SIK2: variants seen among roughly 807,000 people sequenced by gnomAD.
The protein encoded by SIK2 is serine/threonine-protein kinase SIK2.
A neutral mutation model predicts 103.2 loss-of-function variants in SIK2; 29 were observed. The ratio of observed to expected loss-of-function variants is 0.28; its 90% CI spans 0.21 to 0.38. SIK2 has a LOEUF of 0.38. Ranked by LOEUF, SIK2 falls within the 10% of genes least tolerant of loss-of-function variation. SIK2 has a pLI of 1.00. For synonymous variants in SIK2, 412 were observed against 446.1 expected, an observed-to-expected ratio of 0.92 and a Z score of 0.96; for missense variants, 879 against 1,171.0, an observed-to-expected ratio of 0.75 and a Z score of 3.64.
intron 1 of SIK2, among the ~76,000 whole-genome samples, chr11:111,605,969 T>G (rs912804853): frequency 6.6e-6 from 1 of 152,178 alleles, no homozygotes; most frequent in Non-Finnish European, 1.5e-5. Context: ...TTTGTAGTAT[T>G]AGTTTGTGGT....
chr11:111,607,825 G>A (rs1591584717), intron 1 of SIK2, among the ~76,000 whole-genome samples: 1 of 152,152 alleles, frequency 6.6e-6, no homozygotes, highest in East Asian at 1.9e-4. Context: ...TAAGAGTTGT[G>A]TAAATGTTTA....
At chr11:111,703,919 G>A (rs972667064) in intron 7 of SIK2, among the ~76,000 whole-genome samples, 1 of 152,144 alleles carries the variant, frequency 6.6e-6, no homozygotes, top group African/African-American at 2.4e-5. Flanking sequence ...ACTGTGAAGG[G>A]TCATGAACCT....
At chr11:111,633,454 C>G (rs1278615279) in intron 3 of SIK2, among the ~76,000 whole-genome samples, 2 of 152,110 alleles carry the variant, frequency 1.3e-5, no homozygotes, top group Admixed American at 1.3e-4. Flanking sequence ...GCCTTGTAGA[C>G]CTTATTTACC....
rs567654076 is a variant in SIK2 at position 111,605,178 on chromosome 11, G to A, written c.135+2480G>A. 7.2e-5 allele frequency among the ~76,000 whole-genome samples: 11 copies of A among 152,124 alleles called. No individual in the cohort carries two copies. The South Asian group carries it at 2.3e-3, about 32-fold the overall frequency. Reference sequence around the variant, plus strand: ...GGGTTTCACAGTGTTGGCCAGGCTGGTTTCGAACTCCTGACCTCAAGTGAT... The same window carrying A: ...GGGTTTCACAGTGTTGGCCAGGCTGATTTCGAACTCCTGACCTCAAGTGAT... On this transcript the variant is annotated intron_variant, in intron 1 of 14. Transcript: ENST00000304987.
At chr11:111,653,240 T>C (rs898665539) in intron 3 of SIK2, among the ~76,000 whole-genome samples, 3 of 152,214 alleles carry the variant, frequency 2.0e-5, no homozygotes, top group African/African-American at 7.2e-5. Context: ...ATTACTTTGA[T>C]TATGAAAAGA....
intron 3 of SIK2, chr11:111,683,082 C>G (rs943075237): frequency 6.6e-6 from 1 of 152,216 alleles, no homozygotes; most frequent in African/African-American, 2.4e-5. Flanking sequence ...TTTCTAAAAA[C>G]TGTATTTATT....
At chr11:111,721,164 A>G (rs1943789113) in intron 12 of SIK2, 102 bp downstream of exon 12, 2 of 1,380,898 alleles carry the variant, frequency 1.4e-6, no homozygotes, top group Admixed American at 5.2e-5. Flanking sequence ...CCAGTCCTGG[A>G]GCAAACAGGC....
chr11:111,602,760 G>T lies in SIK2; in HGVS notation c.135+62G>T, dbSNP rs1013699422. The T allele has an allele frequency of 7.0e-6, 10 of 1,424,812 alleles. No individual in the cohort carries two copies. In the African/African-American group the frequency reaches 1.1e-4, roughly 15 times the overall value. The allele number at this position is 1,424,812 out of a possible 1,614,324, so 88.3% of individuals were successfully genotyped here. ...GGGTTCGGGAGAGGAGCTGCTTACC[G>T]AGAGGGGCGGCCGCAGTGGTGGGAC... On this transcript the variant is annotated intron_variant, in intron 1 of 14. Transcript: ENST00000304987. This position sits in a 1 kb window ranked among gnomAD's most constrained non-coding sequence, Gnocchi z 4.5.
At chr11:111,716,070 G>T (rs1423610447) in intron 9 of SIK2, among the ~76,000 whole-genome samples, 1 of 151,936 alleles carries the variant, frequency 6.6e-6, no homozygotes, top group East Asian at 1.9e-4. Context: ...CCAAAGTACT[G>T]GGATTACAGG....
intron 3 of SIK2, among the ~76,000 whole-genome samples, chr11:111,673,232 C>A (rs1591610141): frequency 6.6e-6 from 1 of 152,320 alleles, no homozygotes; most frequent in East Asian, 1.9e-4. Context: ...GTTCTTAGAA[C>A]CAGCAAGTTT....
intron 3 of SIK2, among the ~76,000 whole-genome samples, chr11:111,648,923 G>C (rs1247673515): frequency 6.6e-6 from 1 of 151,990 alleles, no homozygotes; most frequent in African/African-American, 2.4e-5. Context: ...GCTCCAACGA[G>C]AGAGGAAGCT....
chr11:111,704,177 G>A (rs1027427015), intron 7 of SIK2, among the ~76,000 whole-genome samples: 3 of 152,082 alleles, frequency 2.0e-5, no homozygotes, highest in Non-Finnish European at 2.9e-5. Flanking sequence ...CTCACTTTGC[G>A]CCCAGTGATG....
chr11:111,720,887 G>A lies in SIK2; in HGVS notation c.1781-12G>A, dbSNP rs752431975. ...TTTAGTTAAACTGTTTGGTCTTGGT[G>A]CTTTCTTTCAGGAATTGTAGCATTT... On this transcript the variant is annotated splice_polypyrimidine_tract_variant and intron_variant, in intron 11 of 14. Transcript: ENST00000304987. 6.2e-7 allele frequency: 1 copy of A among 1,612,774 alleles called. No individual in the cohort carries two copies. Among genetic ancestry groups the A allele is most frequent in the Non-Finnish European group, 8.5e-7 (1 of 1,179,474 alleles).
chr11:111,694,778 C>T (rs1943031164), intron 4 of SIK2, among the ~76,000 whole-genome samples: 1 of 152,174 alleles, frequency 6.6e-6, no homozygotes. Flanking sequence ...TGGAAGATGG[C>T]TCAAAGGGTT....
chr11:111,616,812 CA>C (rs1302418122), intron 2 of SIK2, among the ~76,000 whole-genome samples: 1 of 151,562 alleles, frequency 6.6e-6, no homozygotes, highest in Admixed American at 6.6e-5. Flanking sequence ...GCCTGGGTGA[CA>C]AAGTGAGACA....
chr11:111,639,955 A>G (rs1014961273), intron 3 of SIK2, among the ~76,000 whole-genome samples: 2 of 152,196 alleles, frequency 1.3e-5, no homozygotes, highest in African/African-American at 4.8e-5. Context: ...CTAATATTTA[A>G]TACTCTCTTC....
At chr11:111,641,635 T>C (rs554214403) in intron 3 of SIK2, among the ~76,000 whole-genome samples, 1 of 152,364 alleles carries the variant, frequency 6.6e-6, no homozygotes, top group South Asian at 2.1e-4. Flanking sequence ...AAGTGGTTTC[T>C]TGCCTCTTTA....
chr11:111,651,292 A>T (rs1942323027), intron 3 of SIK2, among the ~76,000 whole-genome samples: 1 of 152,170 alleles, frequency 6.6e-6, no homozygotes, highest in Non-Finnish European at 1.5e-5. Context: ...GAATCAACCT[A>T]AATACCCATC....
rs1238557118 is a variant in SIK2, at chr11:111,703,211, C to T, written c.736C>T (p.His246Tyr). The stretch of plus-strand genomic sequence containing the variant: ...CATTGTGTTTTCTATAGATTGCGAG[C>T]ACCTTATCCGAAGGATGTTGGTCCT... ...IPYFMSEDCE[H>Y]LIRRMLVLDP... The change falls in exon 7 of 15, where the codon CAC becomes TAC. Residue 246 changes from histidine to tyrosine, a missense_variant. His to Tyr is a moderately conservative substitution (Grantham distance 83, BLOSUM62 2). Around this residue, in one of 7 missense-constraint regions of SIK2, gnomAD observed 99 missense variants for 153.9 expected, o/e 0.64. Coordinates refer to ENST00000304987, the MANE Select transcript of SIK2 (RefSeq NM_015191.3). 6.2e-7 allele frequency: 1 copy of T among 1,613,990 alleles called. No homozygotes were observed.
Sources: allele counts gnomAD v4.1 joint callset (sites outside exome capture counted in the v4.1 genomes callset), GRCh38; gene constraint gnomAD v4.1.1; regional missense constraint gnomAD v4.1.1; non-coding constraint Gnocchi (gnomAD v3.1); transcripts MANE v1.5; gene names NCBI Gene and HGNC (gene_info 2026-07-23, HGNC 2026-07-21).